Variants in FMN1 observed in about 807,000 individuals in gnomAD.
The protein encoded by FMN1 is formin-1.
Under a neutral mutation model 132.4 loss-of-function variants are expected in FMN1, and 110 were observed. That is an observed-to-expected ratio of 0.83 (90% CI 0.71 to 0.97). FMN1 has a LOEUF of 0.97. Ranked by LOEUF, FMN1 falls within the 50% of genes least tolerant of loss-of-function variation. FMN1 has a pLI of 0.00. For missense variants in FMN1, 1,792 were observed against 1,705.3 expected (o/e 1.05, Z -0.90); for synonymous variants, 722 against 651.7 (o/e 1.11, Z -1.64).
At chr15:33,111,591 A>G (rs2039707153) in intron 4 of FMN1, among the ~76,000 whole-genome samples, 1 of 148,364 alleles carries the variant, frequency 6.7e-6, no homozygotes, top group African/African-American at 2.4e-5. Context: ...TTGTCTACTT[A>G]TGAATGGATA....
intron 10 of FMN1, among the ~76,000 whole-genome samples, chr15:32,922,026 A>G (rs1045034399): frequency 1.3e-5 from 2 of 152,028 alleles, no homozygotes; most frequent in African/African-American, 4.8e-5. Flanking sequence ...CCACTATTTC[A>G]TCCTCTCAGA....
intron 10 of FMN1, among the ~76,000 whole-genome samples, chr15:32,923,984 AT>A (rs1315788961): frequency 2.0e-5 from 3 of 152,196 alleles, no homozygotes; most frequent in Non-Finnish European, 4.4e-5. Context: ...TACCTGAAGA[AT>A]CCCTAACTTC....
intron 3 of FMN1, among the ~76,000 whole-genome samples, chr15:33,165,979 C>T (rs1045203538): frequency 2.0e-5 from 3 of 152,110 alleles, no homozygotes; most frequent in Non-Finnish European, 4.4e-5. Flanking sequence ...GAAGGAAAAC[C>T]TATTTTAATT....
chr15:32,987,297 A>G (rs1219051255), intron 7 of FMN1, among the ~76,000 whole-genome samples: 2 of 152,160 alleles, frequency 1.3e-5, no homozygotes, highest in East Asian at 1.9e-4. Context: ...TGTGGAATGT[A>G]TTTGTCAGTT....
intron 7 of FMN1, among the ~76,000 whole-genome samples, chr15:32,994,251 GAC>G (rs1317773645): frequency 7.6e-6 from 1 of 131,930 alleles, no homozygotes; most frequent in Admixed American, 7.3e-5. Context: ...CACACACACA[GAC>G]ACACACACAC....
intron 16 of FMN1, among the ~76,000 whole-genome samples, chr15:32,881,791 T>A (rs2059777292): frequency 6.6e-6 from 1 of 152,190 alleles, no homozygotes; most frequent in East Asian, 1.9e-4. Context: ...TAGCTCACCC[T>A]CTTATGTGAC....
At chr15:32,780,531 CA>C (rs1436282547) in intron 19 of FMN1, among the ~76,000 whole-genome samples, 2 of 152,228 alleles carry the variant, frequency 1.3e-5, no homozygotes, top group Non-Finnish European at 2.9e-5. Context: ...GGGCAGCCAG[CA>C]GCTCTCAAGG....
At chr15:32,898,297 T>A (rs957726301) in intron 15 of FMN1, among the ~76,000 whole-genome samples, 1 of 146,528 alleles carries the variant, frequency 6.8e-6, no homozygotes, top group African/African-American at 2.5e-5. Flanking sequence ...CTCCTTGTTC[T>A]CAATTTAACA....
intron 4 of FMN1, among the ~76,000 whole-genome samples, chr15:33,097,223 G>A (rs917960094): frequency 3.3e-5 from 5 of 151,736 alleles, no homozygotes; most frequent in African/African-American, 1.2e-4. Context: ...CTTGTTACTT[G>A]AGCCTGGGAG....
At chr15:33,130,435 G>C (rs912744793) in intron 4 of FMN1, among the ~76,000 whole-genome samples, 2 of 152,162 alleles carry the variant, frequency 1.3e-5, no homozygotes, top group African/African-American at 4.8e-5. Flanking sequence ...CAAGTTGTGG[G>C]CTGCACTGTA....
At chr15:33,029,051 T>C (rs945630749) in intron 6 of FMN1, among the ~76,000 whole-genome samples, 2 of 152,182 alleles carry the variant, frequency 1.3e-5, no homozygotes, top group African/African-American at 2.4e-5. Flanking sequence ...TATCTGCAAA[T>C]TGAAGCTGAT....
At chr15:33,017,419 G>A (rs899870774) in intron 6 of FMN1, among the ~76,000 whole-genome samples, 1 of 93,842 alleles carries the variant, frequency 1.1e-5, no homozygotes, top group Non-Finnish European at 2.4e-5. Context: ...GACGGTGAGA[G>A]GGAACTCTAC....
intron 10 of FMN1, among the ~76,000 whole-genome samples, chr15:32,925,705 G>C (rs1164000043): frequency 1.3e-5 from 2 of 152,196 alleles, no homozygotes; most frequent in Non-Finnish European, 2.9e-5. Flanking sequence ...TGATGATACT[G>C]AGTAACTACG....
chr15:32,791,489 A>C (rs1290934329), intron 19 of FMN1, among the ~76,000 whole-genome samples: 1 of 152,234 alleles, frequency 6.6e-6, no homozygotes, highest in Non-Finnish European at 1.5e-5. Context: ...AATATGTTTA[A>C]AGAGATAACT....
At chr15:32,839,389 T>C (rs956833532) in intron 17 of FMN1, among the ~76,000 whole-genome samples, 1 of 152,116 alleles carries the variant, frequency 6.6e-6, no homozygotes, top group Non-Finnish European at 1.5e-5. Context: ...CAGACTTCAC[T>C]GGATGCTTGG....
intron 15 of FMN1, among the ~76,000 whole-genome samples, chr15:32,891,605 A>G (rs1310942841): frequency 6.6e-6 from 1 of 151,944 alleles, no homozygotes; most frequent in African/African-American, 2.4e-5. Flanking sequence ...GAATTTGTAG[A>G]TTGCTTTGGG....
At chr15:32,907,278 T>C (rs911729057) in intron 12 of FMN1, among the ~76,000 whole-genome samples, 20 of 152,150 alleles carry the variant, frequency 1.3e-4, no homozygotes, top group Non-Finnish European at 2.8e-4. Flanking sequence ...ATGGTCCCTC[T>C]AGCTTCCTGC....
chr15:33,003,347 CAA>C (rs1436180096), intron 7 of FMN1, among the ~76,000 whole-genome samples: 1 of 152,208 alleles, frequency 6.6e-6, no homozygotes, highest in Non-Finnish European at 1.5e-5. Flanking sequence ...GCAACTTCAG[CAA>C]AGTCTCAGGA....
At chr15:32,793,024 G>A (rs2057145079) in intron 19 of FMN1, among the ~76,000 whole-genome samples, 1 of 151,972 alleles carries the variant, frequency 6.6e-6, no homozygotes, top group Non-Finnish European at 1.5e-5. Context: ...AGGAGTGTGT[G>A]GTACGAAAAA....
Sources: gnomAD v4.1 joint callset for allele counts (sites outside exome capture counted in the v4.1 genomes callset) on GRCh38, gnomAD v4.1.1 for gene constraint, MANE v1.5 for transcripts, NCBI Gene and HGNC (gene_info 2026-07-23, HGNC 2026-07-21) for gene names.